FRMD4A: variants seen among roughly 807,000 people sequenced by gnomAD.
FRMD4A encodes the protein FERM domain-containing protein 4A.
Under a neutral mutation model 129.1 loss-of-function variants are expected in FRMD4A, and 29 were observed. That is an observed-to-expected ratio of 0.22 (90% CI 0.17 to 0.31). The LOEUF (loss-of-function observed/expected upper bound fraction) is 0.31. Among genes scored for constraint, FRMD4A ranks in the 10% least tolerant of loss-of-function variants. The pLI, the probability that FRMD4A is intolerant of heterozygous loss-of-function variation, is 1.00. For missense variants in FRMD4A, 1,272 were observed against 1,375.8 expected, an observed-to-expected ratio of 0.92 and a Z score of 1.19; for synonymous variants, 634 against 571.6, an observed-to-expected ratio of 1.11 and a Z score of -1.56.
At chr10:14,055,460 C>A (rs959718076) in intron 2 of FRMD4A, among the ~76,000 whole-genome samples, 2 of 14,014 alleles carry the variant, frequency 1.4e-4, no homozygotes, top group African/African-American at 2.4e-4. Flanking sequence ...CACACACACA[C>A]AAACACACAC....
chr10:13,670,324 G>T, intron 17 of FRMD4A, 82 bp downstream of exon 17: 2 of 1,428,726 alleles, frequency 1.4e-6, no homozygotes, highest in Non-Finnish European at 1.9e-6. Flanking sequence ...GAAGAAATTG[G>T]TACAGAAAAC....
chr10:14,079,357 C>G (rs1835795722), intron 2 of FRMD4A, among the ~76,000 whole-genome samples: 1 of 152,286 alleles, frequency 6.6e-6, no homozygotes, highest in African/African-American at 2.4e-5. Context: ...AAAGCCCAGA[C>G]CTCCTGGTGT....
At chr10:14,039,368 G>GTCCGTCCGTCCA (rs554051462) in intron 2 of FRMD4A, among the ~76,000 whole-genome samples, 101 of 109,512 alleles carry the variant, frequency 9.2e-4, no homozygotes, top group East Asian at 7.8e-3. Flanking sequence ...CTGTCCGTCC[G>GTCCGTCCGTCCA]TCCATCCATC....
intron 2 of FRMD4A, among the ~76,000 whole-genome samples, chr10:14,197,105 G>A (rs1020024121): frequency 6.6e-6 from 1 of 152,142 alleles, no homozygotes; most frequent in African/African-American, 2.4e-5. Flanking sequence ...TGCCACCAGG[G>A]GGCGCGACAA....
chr10:13,942,026 C>A (rs1037842051), intron 2 of FRMD4A, among the ~76,000 whole-genome samples: 2 of 152,216 alleles, frequency 1.3e-5, no homozygotes, highest in African/African-American at 4.8e-5. Flanking sequence ...GTCACTCCAG[C>A]TACCCTCCTT....
intron 2 of FRMD4A, among the ~76,000 whole-genome samples, chr10:14,263,268 C>T (rs1182446413): frequency 1.3e-5 from 2 of 152,140 alleles, no homozygotes; most frequent in Non-Finnish European, 2.9e-5. Flanking sequence ...GCTCCTGCTT[C>T]GTAGAGCTCA....
At chr10:14,056,150 G>A (rs1396757803) in intron 2 of FRMD4A, among the ~76,000 whole-genome samples, 1 of 152,080 alleles carries the variant, frequency 6.6e-6, no homozygotes, top group East Asian at 1.9e-4. Context: ...TTCTGCCTCA[G>A]CCTCCTGAGT....
intron 2 of FRMD4A, among the ~76,000 whole-genome samples, chr10:13,873,460 G>C (rs1490063331): frequency 1.3e-5 from 2 of 152,220 alleles, no homozygotes; most frequent in Admixed American, 6.5e-5. Flanking sequence ...AACAAAGTGT[G>C]TATGAGGAAT....
At chr10:13,808,390 T>C (rs74121698) in intron 4 of FRMD4A, among the ~76,000 whole-genome samples, 2,163 of 152,306 alleles carry the variant, frequency 0.014, 52 homozygotes, top group African/African-American at 0.049. Flanking sequence ...TTTGCTGTAG[T>C]GTCCCGTGAT....
chr10:14,244,533 T>C (rs1166765175), intron 2 of FRMD4A, among the ~76,000 whole-genome samples: 2 of 152,236 alleles, frequency 1.3e-5, no homozygotes, highest in Non-Finnish European at 2.9e-5. Context: ...TATTATAATT[T>C]GATGTGATAT....
At chr10:13,798,999 T>C (rs75252153) in intron 4 of FRMD4A, among the ~76,000 whole-genome samples, 1,890 of 152,166 alleles carry the variant, frequency 0.012, 49 homozygotes, top group African/African-American at 0.044. Flanking sequence ...AGCTCTCACG[T>C]CTCCGCTCCA....
At chr10:14,297,838 T>C (rs1039021668) in intron 2 of FRMD4A, among the ~76,000 whole-genome samples, 2 of 152,194 alleles carry the variant, frequency 1.3e-5, no homozygotes, top group Middle Eastern at 3.2e-3. Context: ...CTGGAGACTA[T>C]ATAGCGGCCA....
chr10:14,265,303 C>A (rs1481164272), intron 2 of FRMD4A, among the ~76,000 whole-genome samples: 1 of 152,034 alleles, frequency 6.6e-6, no homozygotes, highest in Non-Finnish European at 1.5e-5. Flanking sequence ...TCAATGCCCT[C>A]AGTTTAAGGT....
intron 2 of FRMD4A, among the ~76,000 whole-genome samples, chr10:13,875,484 T>G (rs2094479568): frequency 6.6e-6 from 1 of 152,172 alleles, no homozygotes. Context: ...GATGGTAGCT[T>G]CAAATGTCAA....
At position 14,240,558 on chromosome 10, in the gene FRMD4A, T is replaced by A. The variant is rs563312111; in HGVS notation, c.45+89500A>T. Among the ~76,000 whole-genome samples, 5 of 152,096 alleles carry A rather than the reference T, an allele frequency of 3.3e-5. No homozygotes were observed. In the East Asian group the frequency reaches 9.7e-4, roughly 29 times the overall value. On this transcript the variant is annotated intron_variant, in intron 2 of 24. Coordinates refer to ENST00000357447, the MANE Select transcript of FRMD4A (RefSeq NM_018027.5). ...GCCATTTCTGGTCTCCTGATGGAGG[T>A]TCAAGTCTATGCCCTGGAGATTCGG...
At chr10:13,701,536 C>A in intron 13 of FRMD4A, 58 bp from the exon 14 acceptor site, 1 of 1,539,274 alleles carries the variant, frequency 6.5e-7, no homozygotes, top group South Asian at 1.2e-5. Context: ...AACCATTTCT[C>A]AGTCAACAGC....
intron 2 of FRMD4A, among the ~76,000 whole-genome samples, chr10:13,911,760 C>T (rs990119044): frequency 2.6e-5 from 4 of 152,150 alleles, no homozygotes; most frequent in Non-Finnish European, 5.9e-5. Context: ...CTGGGTTTCA[C>T]TGTGTTACCT....
chr10:13,736,997 C>T (rs1339435719), intron 12 of FRMD4A, among the ~76,000 whole-genome samples: 1 of 152,236 alleles, frequency 6.6e-6, no homozygotes, highest in Admixed American at 6.5e-5. Context: ...TTCTCTCCCT[C>T]TTCAGCAAAT....
At chr10:13,770,032 A>C (rs549545436) in intron 6 of FRMD4A, among the ~76,000 whole-genome samples, 1 of 152,000 alleles carries the variant, frequency 6.6e-6, no homozygotes, top group Non-Finnish European at 1.5e-5. Flanking sequence ...CTGTATATCT[A>C]TATATATCCT....
Sources: gnomAD v4.1 joint callset for allele counts (sites outside exome capture counted in the v4.1 genomes callset) on GRCh38, gnomAD v4.1.1 for gene constraint, MANE v1.5 for transcripts, NCBI Gene and HGNC (gene_info 2026-07-23, HGNC 2026-07-21) for gene names.